H3-3A: variants seen among roughly 807,000 people sequenced by gnomAD.
H3-3A encodes the protein histone H3.3.
For missense variants in H3-3A, 7 were observed against 184.0 expected (o/e 0.04, Z 5.57); for synonymous variants, 49 against 61.4 (o/e 0.80, Z 0.95).
chr1:226,071,170 A>G (rs1044723993), intron 3 of H3-3A, among the ~76,000 whole-genome samples, 181 bp from the exon 4 acceptor site: 1 of 152,204 alleles, frequency 6.6e-6, no homozygotes, highest in Non-Finnish European at 1.5e-5. Context: ...GTTTTTTTTC[A>G]TAAGCTGCTT....
intron 2 of H3-3A, among the ~76,000 whole-genome samples, chr1:226,064,758 C>T (rs1657867838): frequency 6.6e-6 from 1 of 152,122 alleles, no homozygotes; most frequent in Admixed American, 6.5e-5. Flanking sequence ...GATATATTGA[C>T]ATTTTAGTTA....
At chr1:226,066,010 A>G (rs1657911249) in intron 3 of H3-3A, 3 of 605,534 alleles carry the variant, frequency 5.0e-6, no homozygotes, top group African/African-American at 1.9e-5. Context: ...ATTTGAACCT[A>G]TTTGACTCCA....
chr1:226,066,706 A>C (rs1042765332), intron 3 of H3-3A: 4 of 152,396 alleles, frequency 2.6e-5, no homozygotes, highest in African/African-American at 9.7e-5. Flanking sequence ...GGGTCGTTAA[A>C]AATGCTGATT....
chr1:226,064,509 A>C, intron 2 of H3-3A, 30 bp downstream of exon 2: 1 of 1,593,050 alleles, frequency 6.3e-7, no homozygotes, highest in South Asian at 1.1e-5. Flanking sequence ...AAATGGGACA[A>C]AGTCTCTCTT....
chr1:226,067,246 T>C (rs1316367740), intron 3 of H3-3A: 1 of 152,302 alleles, frequency 6.6e-6, no homozygotes, highest in East Asian at 1.9e-4. Flanking sequence ...CTTTCTAAAA[T>C]TATTCACATG....
At chr1:226,066,164 A>G (rs1657918347) in intron 3 of H3-3A, 3 of 354,388 alleles carry the variant, frequency 8.5e-6, no homozygotes, top group Admixed American at 4.3e-5. Flanking sequence ...TATTTGTAGT[A>G]ACAATTTCAA....
At chr1:226,063,640 A>G (rs1036196570) in intron 1 of H3-3A, among the ~76,000 whole-genome samples, 2 of 152,084 alleles carry the variant, frequency 1.3e-5, no homozygotes, top group East Asian at 1.9e-4. Context: ...GGCAAAACCA[A>G]AAGTTTATGT....
At position 226,062,823 on chromosome 1, in the gene H3-3A, C is replaced by A; in HGVS notation, c.-24+12C>A. ...GAAGGAGAAGGGGGGTAAGTTTCCCCGTCTGCCCGCTTCCCCGGAACCGAG... is the reference window on the plus strand; with the variant it reads ...GAAGGAGAAGGGGGGTAAGTTTCCCAGTCTGCCCGCTTCCCCGGAACCGAG... On this transcript the variant is annotated intron_variant, in intron 1 of 3. Transcript: ENST00000366815. 1 of 162,762 alleles carries A rather than the reference C, an allele frequency of 6.1e-6. No individual in the cohort carries two copies. 10.1% of individuals were successfully genotyped at this position (162,762 alleles called of 1,614,324 possible). A position where few individuals can be genotyped will look rare whatever the true frequency, so the allele number is the denominator to read the frequency against.
At chr1:226,062,832 G>A in intron 1 of H3-3A, 21 bp downstream of exon 1, 3 of 161,394 alleles carry the variant, frequency 1.9e-5, no homozygotes, top group South Asian at 1.9e-4. Flanking sequence ...CCGTCTGCCC[G>A]CTTCCCCGGA....
intron 3 of H3-3A, 60 bp downstream of exon 3, chr1:226,065,869 C>G (rs1473587744): frequency 7.8e-7 from 1 of 1,279,380 alleles, no homozygotes; most frequent in Non-Finnish European, 1.1e-6. Flanking sequence ...AAGAACAGTT[C>G]CAAATTGTTG....
At chr1:226,070,405 G>A (rs1658071698) in intron 3 of H3-3A, among the ~76,000 whole-genome samples, 1 of 152,024 alleles carries the variant, frequency 6.6e-6, no homozygotes, top group Admixed American at 6.6e-5. Context: ...CTGGGAGGTG[G>A]AGCTTGCAGT....
chr1:226,063,089 T>C (rs1657790666), intron 1 of H3-3A, among the ~76,000 whole-genome samples: 1 of 151,638 alleles, frequency 6.6e-6, no homozygotes, highest in Non-Finnish European at 1.5e-5. Flanking sequence ...CTTTCTTCGG[T>C]GAAATCCCGC....
chr1:226,069,857 C>T (rs1658048312), intron 3 of H3-3A, among the ~76,000 whole-genome samples: 1 of 152,082 alleles, frequency 6.6e-6, no homozygotes, highest in Non-Finnish European at 1.5e-5. Flanking sequence ...AAAGAGTAAG[C>T]AGATGTTTTG....
chr1:226,070,967 AGGCTG>A (rs1226093078), intron 3 of H3-3A, among the ~76,000 whole-genome samples: 1 of 152,206 alleles, frequency 6.6e-6, no homozygotes, highest in African/African-American at 2.4e-5. Flanking sequence ...GGAGGAGACT[AGGCTG>A]GGATGGGGTA....
chr1:226,068,019 T>G (rs924220124), intron 3 of H3-3A, among the ~76,000 whole-genome samples: 3 of 152,258 alleles, frequency 2.0e-5, no homozygotes, highest in African/African-American at 7.2e-5. Context: ...TGGACAGTGT[T>G]GCTTTGAAAT....
chr1:226,064,608 C>G (rs916323708), intron 2 of H3-3A, 129 bp downstream of exon 2: 1 of 635,080 alleles, frequency 1.6e-6, no homozygotes, highest in East Asian at 2.8e-5. Flanking sequence ...GAACACTTAA[C>G]TACTGCTTAA....
chr1:226,062,007 C>G (rs1417004165), upstream of H3-3A: 1 of 152,188 alleles, frequency 6.6e-6, no homozygotes, highest in East Asian at 1.9e-4. Flanking sequence ...GGACTCGGGC[C>G]GGTCCCGCAG....
intron 1 of H3-3A, 110 bp downstream of exon 1, chr1:226,062,921 C>G (rs1055883927): frequency 6.6e-6 from 1 of 152,520 alleles, no homozygotes; most frequent in African/African-American, 2.4e-5. Context: ...CCGGCTTAGC[C>G]CACAAACTTT....
chr1:226,069,920 A>G (rs1658050023), intron 3 of H3-3A, among the ~76,000 whole-genome samples: 1 of 152,216 alleles, frequency 6.6e-6, no homozygotes, highest in Admixed American at 6.5e-5. Flanking sequence ...TATACTAAGA[A>G]TTTGAGTTAT....
Sources: allele counts gnomAD v4.1 joint callset (sites outside exome capture counted in the v4.1 genomes callset), GRCh38; gene constraint gnomAD v4.1.1; transcripts MANE v1.5; gene names NCBI Gene and HGNC (gene_info 2026-07-23, HGNC 2026-07-21).